RGS3: variants seen among roughly 807,000 people sequenced by gnomAD.
The protein encoded by RGS3 is regulator of G protein signaling 3.
A neutral mutation model predicts 132.6 loss-of-function variants in RGS3; 80 were observed. That is an observed-to-expected ratio of 0.60 (90% CI 0.50 to 0.73). The LOEUF (loss-of-function observed/expected upper bound fraction) is 0.73, where lower values mean the gene tolerates loss of function less well. RGS3 is among the 30% of genes least tolerant of loss of function. The pLI is 0.00. For missense variants in RGS3, 1,382 were observed against 1,530.8 expected (o/e 0.90, Z 1.62); for synonymous variants, 598 against 620.6 (o/e 0.96, Z 0.54).
Position 113,542,633 on chromosome 9 carries a change from T to C in RGS3, c.2037+5715T>C, listed in dbSNP as rs140312136. ...TCTCTCAGTGGATGTGAGTGAGGAT[T>C]AGGACCTTCCCCACAGAGCCACCTT... On this transcript the variant is annotated intron_variant, in intron 19 of 24. Transcript: ENST00000350696. Among the ~76,000 whole-genome samples the C allele has an allele frequency of 6.2e-3, 947 of 152,228 alleles. 9 individuals carry two copies. The highest frequency in any genetic ancestry group is 0.02 in the African/African-American group (824 of 41,558).
At chr9:113,487,635 TA>T (rs1317478014) in intron 7 of RGS3, among the ~76,000 whole-genome samples, 1 of 151,968 alleles carries the variant, frequency 6.6e-6, no homozygotes, top group African/African-American at 2.4e-5. Context: ...AAAGAGCCAG[TA>T]AAGTAGAGAG....
chr9:113,482,366 A>G (rs1240879360), intron 4 of RGS3, among the ~76,000 whole-genome samples: 1 of 152,182 alleles, frequency 6.6e-6, no homozygotes, highest in Non-Finnish European at 1.5e-5. Context: ...TTATCACTAA[A>G]CCATTAAAAA....
chr9:113,445,734 G>A (rs1010569116), intron 1 of RGS3, among the ~76,000 whole-genome samples: 3 of 152,088 alleles, frequency 2.0e-5, no homozygotes, highest in Non-Finnish European at 2.9e-5. Flanking sequence ...GCTGGAGGGC[G>A]GTGGCGCAAT....
intron 3 of RGS3, among the ~76,000 whole-genome samples, chr9:113,468,227 G>A (rs1002402584): frequency 6.6e-6 from 1 of 152,166 alleles, no homozygotes; most frequent in Non-Finnish European, 1.5e-5. Context: ...GTTAATTTTT[G>A]TGTATGGTAT....
At chr9:113,547,515 A>G (rs909216587) in intron 19 of RGS3, among the ~76,000 whole-genome samples, 5 of 152,136 alleles carry the variant, frequency 3.3e-5, no homozygotes, top group Non-Finnish European at 5.9e-5. Flanking sequence ...GAGTATACAC[A>G]TTGAACTCTT....
intron 3 of RGS3, among the ~76,000 whole-genome samples, chr9:113,467,244 C>T (rs1004073999): frequency 6.6e-6 from 1 of 152,134 alleles, no homozygotes; most frequent in African/African-American, 2.4e-5. Flanking sequence ...CAGTATATAC[C>T]TAGGAGTAGA....
intron 5 of RGS3, 62 bp downstream of exon 3, chr9:113,483,179 C>A: frequency 8.4e-7 from 1 of 1,188,488 alleles, no homozygotes; most frequent in Non-Finnish European, 1.2e-6. Context: ...TGGGCTCAGT[C>A]CCAAGGTCCC....
chr9:113,516,378 A>G (rs548044987), intron 15 of RGS3, among the ~76,000 whole-genome samples: 13 of 146,954 alleles, frequency 8.8e-5, no homozygotes, highest in African/African-American at 2.8e-4. Flanking sequence ...TTTTTTTGAG[A>G]TGGAGTTTCA....
At chr9:113,477,965 A>G (rs10981794) in intron 3 of RGS3, among the ~76,000 whole-genome samples, 21,805 of 152,198 alleles carry the variant, frequency 0.14, 1,705 homozygotes, top group African/African-American at 0.2. Context: ...GGGAAAGTCT[A>G]CTGGACTGAG....
At chr9:113,554,101 C>T (rs1332460652) in intron 19 of RGS3, among the ~76,000 whole-genome samples, 1 of 152,154 alleles carries the variant, frequency 6.6e-6, no homozygotes, top group African/African-American at 2.4e-5. Flanking sequence ...TTGTTCTTAT[C>T]CTATTTTATA....
chr9:113,517,487 G>A (rs1256636235), intron 15 of RGS3, 54 bp from the exon 14 acceptor site: 12 of 1,441,680 alleles, frequency 8.3e-6, no homozygotes, highest in African/African-American at 1.4e-5. Flanking sequence ...TCCTCCCCCC[G>A]GGTCCTCACC....
At chr9:113,457,669 T>A (rs1171433720), upstream of RGS3, among the ~76,000 whole-genome samples, 1 of 152,232 alleles carries the variant, frequency 6.6e-6, no homozygotes, top group African/African-American at 2.4e-5. Context: ...ATTTCCCCAC[T>A]GTTTATTTAC....
intron 19 of RGS3, among the ~76,000 whole-genome samples, chr9:113,552,866 T>C (rs1255411244): frequency 6.6e-6 from 1 of 152,222 alleles, no homozygotes; most frequent in Non-Finnish European, 1.5e-5. Flanking sequence ...TTGAGGGAAT[T>C]TAAAGTTTTA....
intron 19 of RGS3, among the ~76,000 whole-genome samples, chr9:113,550,751 T>C (rs1833307781): frequency 6.6e-6 from 1 of 152,362 alleles, no homozygotes; most frequent in South Asian, 2.1e-4. Context: ...TTATATGCCT[T>C]CTGGTCACTT....
intron 19 of RGS3, among the ~76,000 whole-genome samples, chr9:113,580,007 C>A (rs1270761309): frequency 1.3e-5 from 2 of 152,228 alleles, no homozygotes; most frequent in African/African-American, 4.8e-5. Context: ...CACCCTCCCA[C>A]CCCTGGGTTT....
upstream of RGS3, among the ~76,000 whole-genome samples, chr9:113,459,481 G>A (rs570632008): frequency 3.9e-5 from 6 of 152,148 alleles, no homozygotes; most frequent in Non-Finnish European, 5.9e-5. Context: ...CCAGCACGGT[G>A]GTTCACGCCT....
At chr9:113,474,877 G>A (rs1401006619) in intron 3 of RGS3, among the ~76,000 whole-genome samples, 2 of 152,168 alleles carry the variant, frequency 1.3e-5, no homozygotes, top group African/African-American at 4.8e-5. Flanking sequence ...CCTGAGTCTA[G>A]CAAAGGTGTG....
rs778543736 is a variant in RGS3, at chr9:113,485,688, G to A, written c.684G>A (p.Gln228=). Residue 228 remains glutamine, a synonymous_variant, in exon 7 of 25, where the codon CAG becomes CAA. Coordinates refer to ENST00000350696, the Ensembl canonical transcript of RGS3. ...TTACTGTGTGGAACAGGGCCAGCCA[G>A]TCCAGGTGAGGAGAGCTGCTGAGCT... 2.5e-6 allele frequency: 4 copies of A among 1,588,400 alleles called. No homozygotes were observed. In the African/African-American group the frequency reaches 4.0e-5, roughly 16 times the overall value.
intron 19 of RGS3, among the ~76,000 whole-genome samples, chr9:113,546,662 G>T (rs867176260): frequency 7.9e-5 from 12 of 152,218 alleles, no homozygotes; most frequent in African/African-American, 2.9e-4. Context: ...CCTCAGCTTT[G>T]TGGAGACCAG....
Sources: allele counts gnomAD v4.1 joint callset (sites outside exome capture counted in the v4.1 genomes callset), GRCh38; gene constraint gnomAD v4.1.1; transcripts MANE v1.5; gene names NCBI Gene and HGNC (gene_info 2026-07-23, HGNC 2026-07-21).